USH2A: variants seen among roughly 807,000 people sequenced by gnomAD.
USH2A encodes usherin, also known as Usher syndrome 2A (autosomal recessive, mild).
Under a neutral mutation model 538.9 loss-of-function variants are expected in USH2A, and 443 were observed. The ratio of observed to expected loss-of-function variants is 0.82; its 90% CI spans 0.76 to 0.89. The LOEUF (loss-of-function observed/expected upper bound fraction) is 0.89, where lower values mean the gene tolerates loss of function less well. USH2A is among the 40% of genes least tolerant of loss of function. The pLI is 0.00. For synonymous variants in USH2A, 2,413 were observed against 2,273.5 expected, an observed-to-expected ratio of 1.06 and a Z score of -1.75; for missense variants, 6,633 against 6,324.8, an observed-to-expected ratio of 1.05 and a Z score of -1.65.
intron 21 of USH2A, among the ~76,000 whole-genome samples, chr1:216,103,675 T>C (rs2032650079): frequency 6.6e-6 from 1 of 152,116 alleles, no homozygotes; most frequent in South Asian, 2.1e-4. Context: ...ACAATGGACA[T>C]GTAGAATACA....
At chr1:215,871,707 G>A (rs1334905119) in intron 43 of USH2A, among the ~76,000 whole-genome samples, 1 of 152,174 alleles carries the variant, frequency 6.6e-6, no homozygotes, top group Non-Finnish European at 1.5e-5. Context: ...ACAGAAATAT[G>A]TTTTTAAATG....
At chr1:216,308,900 T>G (rs1478876952) in intron 9 of USH2A, among the ~76,000 whole-genome samples, 1 of 152,188 alleles carries the variant, frequency 6.6e-6, no homozygotes. Flanking sequence ...TTTGAGTATG[T>G]CTCTCACACC....
intron 44 of USH2A, among the ~76,000 whole-genome samples, chr1:215,849,220 G>A (rs1035373638): frequency 6.6e-6 from 1 of 152,130 alleles, no homozygotes; most frequent in African/African-American, 2.4e-5. Context: ...CTATGACAAT[G>A]GGATGGAGGT....
intron 21 of USH2A, among the ~76,000 whole-genome samples, chr1:216,104,349 G>A (rs2032677981): frequency 6.6e-6 from 1 of 152,028 alleles, no homozygotes; most frequent in Admixed American, 6.5e-5. Flanking sequence ...AGTTTGCTGA[G>A]AATGATGGTT....
intron 61 of USH2A, among the ~76,000 whole-genome samples, chr1:215,722,095 G>A (rs762927470): frequency 9.5e-5 from 14 of 147,654 alleles, no homozygotes; most frequent in Middle Eastern, 3.6e-3. Context: ...GGGTTAGGCC[G>A]ACAAATATTC....
intron 50 of USH2A, among the ~76,000 whole-genome samples, chr1:215,792,521 C>A (rs929462387): frequency 6.6e-6 from 1 of 152,150 alleles, no homozygotes; most frequent in Non-Finnish European, 1.5e-5. Context: ...AGTAATTTCA[C>A]TTAATGGCCA....
intron 38 of USH2A, among the ~76,000 whole-genome samples, chr1:215,933,755 T>G (rs1202851023): frequency 6.6e-6 from 1 of 151,976 alleles, no homozygotes; most frequent in Non-Finnish European, 1.5e-5. Flanking sequence ...AATATACTCA[T>G]TCCTGGGAGA....
At chr1:216,124,113 GA>G (rs1336253363) in intron 21 of USH2A, among the ~76,000 whole-genome samples, 1 of 152,086 alleles carries the variant, frequency 6.6e-6, no homozygotes, top group Non-Finnish European at 1.5e-5. Context: ...AATTTAAATA[GA>G]AACCTTTTGT....
At chr1:216,150,900 T>A (rs1189812102) in intron 21 of USH2A, among the ~76,000 whole-genome samples, 9 of 152,240 alleles carry the variant, frequency 5.9e-5, no homozygotes, top group African/African-American at 2.2e-4. Context: ...CTGAAACAAT[T>A]GGAGCCTTCC....
At chr1:215,743,470 A>G (rs1245047324) in intron 58 of USH2A, 135 bp from the exon 59 acceptor site, 5 of 263,580 alleles carry the variant, frequency 1.9e-5, no homozygotes, top group African/African-American at 1.2e-4. Flanking sequence ...AGACACACAT[A>G]TATATATAAA....
chr1:215,996,905 C>A (rs1558201765), intron 34 of USH2A, among the ~76,000 whole-genome samples: 2 of 151,948 alleles, frequency 1.3e-5, no homozygotes, highest in African/African-American at 4.8e-5. Context: ...GGTTCAAATC[C>A]CCGTGTAGCT....
At chr1:215,902,872 G>A (rs1665537162) in intron 38 of USH2A, among the ~76,000 whole-genome samples, 1 of 151,898 alleles carries the variant, frequency 6.6e-6, no homozygotes, top group African/African-American at 2.4e-5. Context: ...GAGAGGGAGA[G>A]GAAAAGTCTT....
chr1:216,288,482 T>G (rs1355091447), intron 11 of USH2A, among the ~76,000 whole-genome samples: 2 of 152,194 alleles, frequency 1.3e-5, no homozygotes, highest in Non-Finnish European at 2.9e-5. Context: ...TTTTGTCTTG[T>G]GTGTATTATG....
intron 41 of USH2A, among the ~76,000 whole-genome samples, chr1:215,883,291 G>A (rs1178309358): frequency 6.6e-6 from 1 of 151,972 alleles, no homozygotes; most frequent in Non-Finnish European, 1.5e-5. Flanking sequence ...GCATATTAAG[G>A]TGAAATTGAT....
intron 3 of USH2A, among the ~76,000 whole-genome samples, chr1:216,365,407 A>G (rs2038577582): frequency 6.6e-6 from 1 of 152,148 alleles, no homozygotes. Context: ...AATACAAATT[A>G]AATTTGTTAT....
At chr1:216,034,549 G>A (rs1489964402) in intron 32 of USH2A, among the ~76,000 whole-genome samples, 1 of 152,134 alleles carries the variant, frequency 6.6e-6, no homozygotes, top group African/African-American at 2.4e-5. Context: ...TGAAAGACGG[G>A]GAGCCCTAAA....
At position 216,175,245 on chromosome 1, in the gene USH2A, CACTT is replaced by C; in HGVS notation, c.4627+3_4627+6del. 1.9e-6 allele frequency: 3 copies of C among 1,613,574 alleles called. No homozygotes were observed. Among genetic ancestry groups the C allele is most frequent in the South Asian group, 1.1e-5 (1 of 91,068 alleles). On this transcript the variant is annotated splice_donor_5th_base_variant and intron_variant, in intron 21 of 71. Coordinates refer to ENST00000307340, the MANE Select transcript of USH2A (RefSeq NM_206933.4). ...CTCCTAAATAAAGCAATGTCAAACA[CACTT>C]ACCAGTGAAGTCTGTATTGACTGGG... is the stretch of plus-strand genomic sequence containing the variant.
intron 52 of USH2A, 54 bp from the exon 53 acceptor site, chr1:215,782,989 A>G: frequency 6.5e-7 from 1 of 1,535,592 alleles, no homozygotes; most frequent in South Asian, 1.2e-5. Context: ...TTTTTTAACC[A>G]TCATATTAAA....
At chr1:216,100,209 A>G (rs1371749561) in intron 21 of USH2A, among the ~76,000 whole-genome samples, 1 of 152,156 alleles carries the variant, frequency 6.6e-6, no homozygotes, top group African/African-American at 2.4e-5. Context: ...GAATGGACAG[A>G]CTCTTGACTG....
Sources: gnomAD v4.1 joint callset for allele counts (sites outside exome capture counted in the v4.1 genomes callset) on GRCh38, gnomAD v4.1.1 for gene constraint, MANE v1.5 for transcripts, NCBI Gene and HGNC (gene_info 2026-07-23, HGNC 2026-07-21) for gene names.